GLG1: variants seen among roughly 807,000 people sequenced by gnomAD.
The protein encoded by GLG1 is golgi glycoprotein 1.
Under a neutral mutation model 160.5 loss-of-function variants are expected in GLG1, and 38 were observed. The ratio of observed to expected loss-of-function variants is 0.24; its 90% CI spans 0.18 to 0.31. The LOEUF is 0.31. Ranked by LOEUF, GLG1 falls within the 10% of genes least tolerant of loss-of-function variation. GLG1 has a pLI of 1.00. For synonymous variants in GLG1, 644 were observed against 543.4 expected (o/e 1.19, Z -2.57); for missense variants, 1,373 against 1,505.2 (o/e 0.91, Z 1.45).
At chr16:74,490,583 A>G (rs1371301850) in intron 8 of GLG1, among the ~76,000 whole-genome samples, 1 of 152,200 alleles carries the variant, frequency 6.6e-6, no homozygotes, top group African/African-American at 2.4e-5. Flanking sequence ...AAAAATTTCA[A>G]TTCATATCAA....
chr16:74,524,526 G>A (rs1442939698), intron 2 of GLG1, among the ~76,000 whole-genome samples: 3 of 151,214 alleles, frequency 2.0e-5, no homozygotes, highest in Non-Finnish European at 4.4e-5. Context: ...TATGACAACA[G>A]TACTATGGTC....
intron 1 of GLG1, among the ~76,000 whole-genome samples, chr16:74,550,326 C>T (rs967022387): frequency 2.6e-5 from 4 of 152,020 alleles, no homozygotes; most frequent in African/African-American, 9.7e-5. Context: ...AGCTCGAAGT[C>T]TCAATTGATA....
At chr16:74,598,813 G>A (rs568308395) in intron 1 of GLG1, among the ~76,000 whole-genome samples, 7 of 151,776 alleles carry the variant, frequency 4.6e-5, no homozygotes, top group Non-Finnish European at 4.4e-5. Context: ...GAACCCGAGA[G>A]GTGGAGGTTG....
intron 23 of GLG1, 81 bp from the exon 24 acceptor site, chr16:74,458,075 T>A: frequency 1.4e-6 from 2 of 1,387,508 alleles, no homozygotes; most frequent in Admixed American, 1.9e-5. Flanking sequence ...CTTCATATAC[T>A]AATAAAAAAG....
chr16:74,493,600 C>T (rs1223187742), intron 6 of GLG1, among the ~76,000 whole-genome samples: 1 of 152,056 alleles, frequency 6.6e-6, no homozygotes, highest in Non-Finnish European at 1.5e-5. Context: ...TAAGATTGTT[C>T]AAATGATACA....
chr16:74,498,866 G>A (rs1311735645), intron 4 of GLG1, among the ~76,000 whole-genome samples: 1 of 6,842 alleles, frequency 1.5e-4, no homozygotes, highest in Non-Finnish European at 3.3e-4. Context: ...CTCCGTCTCA[G>A]GCAAAAAAAA....
intron 1 of GLG1, among the ~76,000 whole-genome samples, chr16:74,603,608 C>G (rs1410577342): frequency 6.6e-6 from 1 of 151,706 alleles, no homozygotes; most frequent in South Asian, 2.1e-4. Context: ...ACCAAGGTCT[C>G]CATCTGAAAC....
At chr16:74,593,250 GT>G (rs1335657873) in intron 1 of GLG1, among the ~76,000 whole-genome samples, 4 of 152,128 alleles carry the variant, frequency 2.6e-5, no homozygotes, top group Admixed American at 6.6e-5. Flanking sequence ...CATTACGTTT[GT>G]CAATGATTAA....
At chr16:74,504,666 C>T (rs942933297) in intron 3 of GLG1, among the ~76,000 whole-genome samples, 1 of 152,182 alleles carries the variant, frequency 6.6e-6, no homozygotes, top group Non-Finnish European at 1.5e-5. Flanking sequence ...AGAATCCAAA[C>T]TTAACCGCTG....
chr16:74,460,969 T>G (rs2014768589), intron 22 of GLG1, among the ~76,000 whole-genome samples: 1 of 151,878 alleles, frequency 6.6e-6, no homozygotes, highest in Admixed American at 6.6e-5. Context: ...TACACAGGAG[T>G]TGAGAAACAC....
At chr16:74,569,911 A>T (rs1234252101) in intron 1 of GLG1, among the ~76,000 whole-genome samples, 1 of 151,354 alleles carries the variant, frequency 6.6e-6, no homozygotes, top group East Asian at 1.9e-4. Context: ...GGCCGGGCGC[A>T]ATGGCTCACA....
At chr16:74,544,131 A>G (rs997606096) in intron 1 of GLG1, among the ~76,000 whole-genome samples, 8 of 152,230 alleles carry the variant, frequency 5.3e-5, no homozygotes, top group Non-Finnish European at 1.2e-4. Flanking sequence ...TCCCTAATAA[A>G]GAATGTTCAT....
intron 7 of GLG1, among the ~76,000 whole-genome samples, chr16:74,492,667 G>A (rs552393090): frequency 6.9e-4 from 104 of 150,640 alleles, no homozygotes; most frequent in African/African-American, 2.4e-3. Flanking sequence ...AAAAATACAA[G>A]AATTAGCCAG....
In GLG1 at chr16:74,480,259, A is replaced by G; in HGVS notation, c.1809T>C (p.Thr603=). The G allele has an allele frequency of 6.2e-7, 1 of 1,611,818 alleles. No homozygotes were observed. Among genetic ancestry groups the G allele is most frequent in the Non-Finnish European group, 8.5e-7 (1 of 1,178,020 alleles). Reference sequence around the variant, plus strand: ...TGCATACCCTCCTTCCCTGTTCCTCAGTGCGGTAGGCGTGTCTGTATAAAC... The same window carrying G: ...TGCATACCCTCCTTCCCTGTTCCTCGGTGCGGTAGGCGTGTCTGTATAAAC... The part of the protein sequence containing the change: ...FSCLYRHAYR[T]EEQGRRLSRE... The change falls in exon 11 of 26, where the codon ACT becomes ACC. Residue 603 remains threonine (T), a synonymous_variant. Transcript: ENST00000422840.
chr16:74,467,804 C>G lies in GLG1; in HGVS notation c.2481G>C (p.Lys827Asn). The change falls in exon 18 of 26, where the codon AAG becomes AAC. Residue 827 changes from lysine to asparagine, a missense_variant. Around this residue, in one of 4 missense-constraint regions of GLG1, gnomAD observed 491 missense variants for 632.1 expected, o/e 0.78. Coordinates refer to ENST00000422840, the MANE Select transcript of GLG1 (RefSeq NM_001145667.2). ...CGGAACAGAAGTTTTTGATGTCACTCTTGCAGGCTTCGTATAGATCTGGCT... is the reference window on the plus strand; with the variant it reads ...CGGAACAGAAGTTTTTGATGTCACTGTTGCAGGCTTCGTATAGATCTGGCT... Reference protein sequence around the residue: ...RLEPDLYEACKSDIKNFCSAV... With the variant: ...RLEPDLYEACNSDIKNFCSAV... 6.2e-7 allele frequency: 1 copy of G among 1,613,796 alleles called. No homozygotes were observed. The highest frequency in any genetic ancestry group is 8.5e-7 in the Non-Finnish European group (1 of 1,179,740).
intron 1 of GLG1, among the ~76,000 whole-genome samples, chr16:74,598,009 T>G (rs1190634011): frequency 1.3e-5 from 2 of 151,934 alleles, no homozygotes; most frequent in Non-Finnish European, 2.9e-5. Flanking sequence ...AGAGCAAGAC[T>G]CTGTCTCGAA....
At position 74,537,941 on chromosome 16, in the gene GLG1, C is replaced by A. The variant is rs546902134; in HGVS notation, c.439-5788G>T. On this transcript the variant is annotated intron_variant, in intron 1 of 25. Transcript: ENST00000422840. ...GGAACTATGATTTCCCCAAGGTGAA[C>A]AGGCTGAGTTAATGAGTCTGGAAGG... 5.9e-5 allele frequency among the ~76,000 whole-genome samples: 9 copies of A among 152,264 alleles called. No homozygotes were observed. The South Asian group carries it at 1.5e-3, about 25-fold the overall frequency.
intron 4 of GLG1, among the ~76,000 whole-genome samples, chr16:74,503,012 G>C (rs914065943): frequency 1.3e-5 from 2 of 151,776 alleles, no homozygotes; most frequent in East Asian, 2.0e-4. Flanking sequence ...TTCAAGATCA[G>C]CCTGGCCGAC....
At chr16:74,497,731 C>T (rs2016251782) in intron 4 of GLG1, among the ~76,000 whole-genome samples, 1 of 152,194 alleles carries the variant, frequency 6.6e-6, no homozygotes, top group East Asian at 1.9e-4. Flanking sequence ...GCCACTGCGC[C>T]CGGCCAACAG....
Sources: gnomAD v4.1 joint callset for allele counts (sites outside exome capture counted in the v4.1 genomes callset) on GRCh38, gnomAD v4.1.1 for gene constraint, gnomAD v4.1.1 regional missense constraint, MANE v1.5 for transcripts, NCBI Gene and HGNC (gene_info 2026-07-23, HGNC 2026-07-21) for gene names.